SPOP: variants seen among roughly 807,000 people sequenced by gnomAD.
The protein encoded by SPOP is speckle type BTB/POZ protein.
In SPOP, 11 loss-of-function variants were observed where a neutral mutation model predicts 45.6. The observed-to-expected ratio is 0.24, with a 90% confidence interval of 0.15 to 0.40. SPOP has a LOEUF of 0.40. Ranked by LOEUF, SPOP falls within the 10% of genes least tolerant of loss-of-function variation. The pLI is 1.00. For missense variants in SPOP, 152 were observed against 465.6 expected (o/e 0.33, Z 6.20); for synonymous variants, 166 against 166.3 (o/e 1.00, Z 0.01).
At chr17:49,670,988 C>T (rs952417217) in intron 1 of SPOP, among the ~76,000 whole-genome samples, 4 of 152,074 alleles carry the variant, frequency 2.6e-5, no homozygotes, top group Admixed American at 2.6e-4. Context: ...CCGCCACATC[C>T]CAAAGCTTAG....
At chr17:49,636,622 T>C (rs1376051804) in intron 1 of SPOP, 1 of 152,220 alleles carries the variant, frequency 6.6e-6, no homozygotes, top group East Asian at 1.9e-4. Flanking sequence ...TTACCTATCA[T>C]TTGCACTAAA....
chr17:49,604,673 T>G (rs1249571035), intron 8 of SPOP, among the ~76,000 whole-genome samples: 1 of 152,148 alleles, frequency 6.6e-6, no homozygotes, highest in African/African-American at 2.4e-5. Context: ...TCTCCCATCC[T>G]CACGCCAACT....
chr17:49,617,016 C>T (rs897997918), intron 5 of SPOP, among the ~76,000 whole-genome samples: 21 of 152,158 alleles, frequency 1.4e-4, no homozygotes, highest in African/African-American at 4.8e-4. Flanking sequence ...TAAGAGACTG[C>T]CAAGTGAGGG....
intron 1 of SPOP, among the ~76,000 whole-genome samples, chr17:49,629,666 G>A (rs1277380033): frequency 6.6e-6 from 1 of 152,156 alleles, no homozygotes; most frequent in African/African-American, 2.4e-5. Flanking sequence ...AGTATTTACA[G>A]AACTAGGCTA....
chr17:49,645,584 C>T (rs1006608091), intron 1 of SPOP, among the ~76,000 whole-genome samples: 13 of 151,854 alleles, frequency 8.6e-5, no homozygotes, highest in African/African-American at 3.1e-4. Context: ...CATGAGTCAC[C>T]GCGCCCAGCC....
chr17:49,666,442 A>AAGAC (rs1176582218), intron 1 of SPOP, among the ~76,000 whole-genome samples: 34 of 119,020 alleles, frequency 2.9e-4, no homozygotes, highest in African/African-American at 8.2e-4. Flanking sequence ...TTCCTTCATG[A>AAGAC]AGACAGACAC....
chr17:49,675,820 G>C (rs1266817043), intron 1 of SPOP: 1 of 152,118 alleles, frequency 6.6e-6, no homozygotes, highest in African/African-American at 2.4e-5. Flanking sequence ...TCAGGAGTTC[G>C]AGACCAGCTT....
intron 2 of SPOP, 72 bp from the exon 3 acceptor site, chr17:49,622,139 TATC>T (rs2072232596): frequency 6.4e-7 from 1 of 1,559,006 alleles, no homozygotes; most frequent in Non-Finnish European, 8.8e-7. Flanking sequence ...AAGGGCAGAT[TATC>T]ATTTCCCCTC....
chr17:49,608,478 GA>G (rs562186534), intron 6 of SPOP, among the ~76,000 whole-genome samples: 2 of 152,144 alleles, frequency 1.3e-5, no homozygotes, highest in Non-Finnish European at 2.9e-5. Context: ...GGTGGGGGGG[GA>G]AAGAAACTTT....
chr17:49,611,567 A>G (rs73987363), intron 5 of SPOP, 110 bp from the exon 6 acceptor site: 13,093 of 984,562 alleles, frequency 0.013, 119 homozygotes, highest in Non-Finnish European at 0.016. Context: ...ACTAATATTA[A>G]TCATATTATC....
intron 1 of SPOP, among the ~76,000 whole-genome samples, chr17:49,677,302 A>T (rs2073211848): frequency 6.6e-6 from 1 of 152,248 alleles, no homozygotes; most frequent in South Asian, 2.1e-4. Context: ...TAGAACTAGA[A>T]GATACAGTGA....
At chr17:49,644,931 AAT>A (rs2072727271) in intron 1 of SPOP, among the ~76,000 whole-genome samples, 1 of 152,314 alleles carries the variant, frequency 6.6e-6, no homozygotes, top group Middle Eastern at 3.4e-3. Context: ...TGAAAGTATA[AAT>A]AAATAAAACT....
At chr17:49,626,156 T>C (rs1189964255) in intron 1 of SPOP, among the ~76,000 whole-genome samples, 1 of 152,162 alleles carries the variant, frequency 6.6e-6, no homozygotes, top group East Asian at 1.9e-4. Context: ...GTTGCCCTCC[T>C]TGCTTGGCTA....
chr17:49,619,216 A>ATC lies in SPOP; in HGVS notation c.352+17_352+18insGA, dbSNP rs781705208. 30 of 1,613,604 alleles carry ATC rather than the reference A, an allele frequency of 1.9e-5. No individual in the cohort carries two copies. Among genetic ancestry groups the ATC allele is most frequent in the Non-Finnish European group, 8.5e-7 (1 of 1,179,724 alleles). On this transcript the variant is annotated intron_variant, in intron 4 of 9. Coordinates refer to ENST00000504102, the MANE Select transcript of SPOP (RefSeq NM_001007228.2). The surrounding 1 kb of genome is among the most constrained non-coding windows in gnomAD (Gnocchi z 4.9). ...TGGATGTGAAACTTAAGAGTTGAAC[A>ATC]AAGAGGAGAACATTTACCCATAGCT...
chr17:49,608,502 G>C (rs2071897820), intron 6 of SPOP, among the ~76,000 whole-genome samples: 1 of 152,168 alleles, frequency 6.6e-6, no homozygotes, highest in African/African-American at 2.4e-5. Context: ...ATATTATAAT[G>C]ATTTGTGTCC....
At chr17:49,603,141 G>A (rs59692080) in intron 8 of SPOP, among the ~76,000 whole-genome samples, 4,325 of 152,250 alleles carry the variant, frequency 0.028, 205 homozygotes, top group African/African-American at 0.098. Flanking sequence ...TCTGGGTGAG[G>A]AGGCATATCT....
rs1163709382 is a variant in SPOP, at chr17:49,599,055, A to G, written c.*1323T>C. The G allele has an allele frequency of 4.8e-6, 1 of 206,404 alleles. No homozygotes were observed. Among genetic ancestry groups the G allele is most frequent in the Non-Finnish European group, 9.9e-6 (1 of 100,726 alleles). 12.8% of individuals were successfully genotyped at this position (206,404 alleles called of 1,614,324 possible). On this transcript the variant is annotated 3_prime_UTR_variant, in exon 10 of 10. Coordinates refer to ENST00000504102, the MANE Select transcript of SPOP (RefSeq NM_001007228.2). ...AGAGGTAGGGGCCTGATCCCTCATCAGGATATGGACTGTGAGATACTCAGG... is the reference window on the plus strand; with the variant it reads ...AGAGGTAGGGGCCTGATCCCTCATCGGGATATGGACTGTGAGATACTCAGG...
At chr17:49,636,043 G>C (rs1191572752) in intron 1 of SPOP, among the ~76,000 whole-genome samples, 1 of 152,060 alleles carries the variant, frequency 6.6e-6, no homozygotes, top group Non-Finnish European at 1.5e-5. Context: ...CTGTCACCCA[G>C]GCTGGAATGC....
rs1033156872 is a variant in SPOP, at chr17:49,678,029, TACACACACACTCGGAGCGCGCACACTC to T, written c.-190_-164del. On this transcript the variant is annotated 5_prime_UTR_variant, in exon 1 of 10. Coordinates refer to ENST00000504102, the MANE Select transcript of SPOP (RefSeq NM_001007228.2). ...ACCTGCGGGACCGCCGATACACAAA[TACACACACACTCGGAGCGCGCACACTC>T]ACACACACACATACACACCGACACA... 1.8e-5 allele frequency: 7 copies of T among 398,682 alleles called. No individual in the cohort carries two copies. Among genetic ancestry groups the T allele is most frequent in the Admixed American group, 8.8e-5 (2 of 22,652 alleles). 24.7% of individuals were successfully genotyped at this position (398,682 alleles called of 1,614,324 possible).
Sources: allele counts gnomAD v4.1 joint callset (sites outside exome capture counted in the v4.1 genomes callset), GRCh38; gene constraint gnomAD v4.1.1; non-coding constraint Gnocchi (gnomAD v3.1); transcripts MANE v1.5; gene names NCBI Gene and HGNC (gene_info 2026-07-23, HGNC 2026-07-21).